The following POU2F2 variants were observed in gnomAD, a reference collection of about 807,000 sequenced individuals.
POU2F2 encodes the protein POU class 2 homeobox 2.
A neutral mutation model predicts 63.5 loss-of-function variants in POU2F2; 14 were observed. That is an observed-to-expected ratio of 0.22 (90% confidence interval 0.15 to 0.34). The LOEUF (loss-of-function observed/expected upper bound fraction) is 0.34, where lower values mean the gene tolerates loss of function less well. Ranked by LOEUF, POU2F2 falls within the 10% of genes least tolerant of loss-of-function variation. The pLI is 1.00. For missense variants in POU2F2, 607 were observed against 815.2 expected, an observed-to-expected ratio of 0.74 and a Z score of 3.11; for synonymous variants, 306 against 348.6, an observed-to-expected ratio of 0.88 and a Z score of 1.36.
chr19:42,091,106 T>G lies in POU2F2; in HGVS notation c.*151A>C. The G allele has an allele frequency of 1.7e-6, 1 of 579,184 alleles. No individual in the cohort carries two copies. The highest frequency in any genetic ancestry group is 2.6e-6 in the Non-Finnish European group (1 of 378,934). The allele number at this position is 579,184 out of a possible 1,614,324, so 35.9% of individuals were successfully genotyped here. ...GTTAGTTTCTTTCCTTTTTTTTTTT[T>G]TTTTTGGTTGGTTGTTTTTTTGGTC... On this transcript the variant is annotated 3_prime_UTR_variant, in exon 15 of 15. Coordinates refer to ENST00000692977, the MANE Select transcript of POU2F2 (RefSeq NM_001394376.1).
At chr19:42,177,391 G>C (rs2034906713), upstream of POU2F2, 1 of 152,388 alleles carries the variant, frequency 6.6e-6, no homozygotes, top group African/African-American at 2.4e-5. Context: ...GGCAACCCCG[G>C]GCCCAAGGAT....
chr19:42,125,516 C>T (rs1379082874), intron 1 of POU2F2, among the ~76,000 whole-genome samples: 1 of 152,124 alleles, frequency 6.6e-6, no homozygotes, highest in African/African-American at 2.4e-5. Context: ...GGGAGCTGGG[C>T]AGCAAGTGTG....
At chr19:42,154,878 G>A (rs2034428275) in intron 2 of POU2F2, among the ~76,000 whole-genome samples, 1 of 152,176 alleles carries the variant, frequency 6.6e-6, no homozygotes, top group African/African-American at 2.4e-5. Context: ...GAGGGGACAG[G>A]GTGAATGGAC....
intron 1 of POU2F2, among the ~76,000 whole-genome samples, chr19:42,171,431 CGTGTGTGT>C (rs71336804): frequency 0.083 from 11,450 of 138,590 alleles, 588 homozygotes; most frequent in Middle Eastern, 0.19. Context: ...GGCTGCGCTT[CGTGTGTGT>C]GTGTGTGTGT....
intron 5 of POU2F2, among the ~76,000 whole-genome samples, chr19:42,115,614 A>G (rs1379971657): frequency 1.3e-5 from 2 of 152,192 alleles, no homozygotes; most frequent in African/African-American, 2.4e-5. Flanking sequence ...AATGGGTGAC[A>G]TGGGAAGGGG....
In POU2F2 at chr19:42,089,303, CAAAAG is replaced by C. The variant is rs1285876860; in HGVS notation, c.*1949_*1953del. The C allele has an allele frequency of 6.6e-6, 1 of 152,376 alleles. No individual in the cohort carries two copies. 9.4% of individuals were successfully genotyped at this position (152,376 alleles called of 1,614,324 possible). ...GAAGGAGGGGAGGAGAGAGGTCAGA[CAAAAG>C]AGAACCGAAAAAGAAATCAAAGGAG... is the stretch of plus-strand genomic sequence containing the variant. On this transcript the variant is annotated 3_prime_UTR_variant, in exon 15 of 15. Transcript: ENST00000692977.
rs748040041 is a variant in POU2F2 at position 42,096,061 on chromosome 19, G to A, written c.729+21C>T. The A allele has an allele frequency of 1.2e-6, 2 of 1,612,522 alleles. No homozygotes were observed. The highest frequency in any genetic ancestry group is 2.2e-5 in the East Asian group (1 of 44,818). ...GCCACGCCCCCACGCCCACCGCCCA[G>A]CCTGCAAGGTGCCTCCAGACCTGCG... On this transcript the variant is annotated intron_variant, in intron 8 of 14. Coordinates refer to ENST00000692977, the MANE Select transcript of POU2F2 (RefSeq NM_001394376.1). This position sits in a 1 kb window ranked among gnomAD's most constrained non-coding sequence, Gnocchi z 4.1.
At position 42,095,262 on chromosome 19, in the gene POU2F2, AC is replaced by A. The variant is rs1360594148; in HGVS notation, c.1197+23del. On this transcript the variant is annotated intron_variant, in intron 11 of 14. Transcript: ENST00000692977. The surrounding 1 kb of genome is among the most constrained non-coding windows in gnomAD (Gnocchi z 7.1). ...GCCTGCGGAGCTCTGTGGTCTCCCC[AC>A]CCCCCAGGCGGGCTCTTGGTACCAT... 3.1e-6 allele frequency: 5 copies of A among 1,601,630 alleles called. No homozygotes were observed. Among genetic ancestry groups the A allele is most frequent in the Non-Finnish European group, 2.6e-6 (3 of 1,175,858 alleles).
chr19:42,125,697 C>G (rs368381210), intron 1 of POU2F2, among the ~76,000 whole-genome samples: 4 of 152,226 alleles, frequency 2.6e-5, no homozygotes, highest in African/African-American at 9.6e-5. Flanking sequence ...GTCCCTCCAG[C>G]GGAGCTCCAC....
At chr19:42,195,489 C>T (rs2146832801) in intron 1 of POU2F2, among the ~76,000 whole-genome samples, 1 of 151,928 alleles carries the variant, frequency 6.6e-6, no homozygotes, top group Middle Eastern at 3.4e-3. Context: ...CCCGCCACCA[C>T]ACCAGGCTAA....
chr19:42,184,604 C>A (rs1026039313), intron 1 of POU2F2, among the ~76,000 whole-genome samples: 1 of 152,170 alleles, frequency 6.6e-6, no homozygotes, highest in Non-Finnish European at 1.5e-5. Flanking sequence ...CCAAGGCACT[C>A]CCACTACTGC....
In POU2F2 at chr19:42,122,531, T is replaced by A. The variant is rs2032761290; in HGVS notation, c.74A>T (p.Asp25Val). The change falls in exon 2 of 15, where the codon GAC becomes GTC. Residue 25 changes from aspartate (D) to valine (V), a missense_variant. Physicochemically the swap from Asp to Val is radical, Grantham distance 152 (BLOSUM62 -3). Coordinates refer to ENST00000692977, the MANE Select transcript of POU2F2 (RefSeq NM_001394376.1). ...CCCACCTGTGTGCTCTGATGGGGAG[T>A]CCAGACCTTGCTTCTCGGCCTCCAG... Reference protein sequence around the residue: ...KPLEAEKQGLDSPSEHTDTER... With the variant: ...KPLEAEKQGLVSPSEHTDTER... The A allele has an allele frequency of 6.2e-7, 1 of 1,604,988 alleles. No homozygotes were observed. The highest frequency in any genetic ancestry group is 1.7e-5 in the Admixed American group (1 of 58,066).
intron 1 of POU2F2, among the ~76,000 whole-genome samples, chr19:42,170,578 CAT>C (rs2034743114): frequency 6.6e-6 from 1 of 152,164 alleles, no homozygotes; most frequent in African/African-American, 2.4e-5. Context: ...GGCATGTACA[CAT>C]AGACGCACAA....
At chr19:42,197,653 A>G (rs980320021), upstream of POU2F2, among the ~76,000 whole-genome samples, 1 of 152,166 alleles carries the variant, frequency 6.6e-6, no homozygotes, top group Admixed American at 6.5e-5. Context: ...GAAGGGCAGG[A>G]GGCCACAACC....
chr19:42,183,839 G>A (rs964070426), intron 1 of POU2F2, among the ~76,000 whole-genome samples: 16 of 152,158 alleles, frequency 1.1e-4, no homozygotes, highest in Admixed American at 5.9e-4. Flanking sequence ...ACTATGTTTT[G>A]AACACAGAAT....
rs1366117899 is a variant in POU2F2, at chr19:42,087,119, G to A, written c.*4138C>T. 1 of 148,094 alleles carries A rather than the reference G, an allele frequency of 6.8e-6. No homozygotes were observed. The highest frequency in any genetic ancestry group is 6.7e-5 in the Admixed American group (1 of 14,948). 9.2% of individuals were successfully genotyped at this position (148,094 alleles called of 1,614,324 possible). A position where few individuals can be genotyped will look rare whatever the true frequency, so the allele number is the denominator to read the frequency against. On this transcript the variant is annotated 3_prime_UTR_variant, in exon 15 of 15. Coordinates refer to ENST00000692977, the MANE Select transcript of POU2F2 (RefSeq NM_001394376.1). ...CACTTTTTTTCCAACATATAAAAAG[G>A]TAGCGGAGTTGTCTGTGGGTTTTTT...
In POU2F2 at chr19:42,089,708, TTTTATATATATATATATATATATG is replaced by T. The variant is rs977841508; in HGVS notation, c.*1525_*1548del. ...TTGAAGAGTCCTCATCTTCTTTCCCTTTTATATATATATATATATATATGTTTATATATATATATAAATTTTTTT... is the reference window on the plus strand; with the variant it reads ...TTGAAGAGTCCTCATCTTCTTTCCCTTTTATATATATATATAAATTTTTTT... On this transcript the variant is annotated 3_prime_UTR_variant, in exon 15 of 15. Coordinates refer to ENST00000692977, the MANE Select transcript of POU2F2 (RefSeq NM_001394376.1). 20 of 144,894 alleles carry T rather than the reference TTTTATATATATATATATATATATG, an allele frequency of 1.4e-4. No homozygotes were observed. In the South Asian group the frequency reaches 2.7e-3, roughly 19 times the overall value. The allele number at this position is 144,894 out of a possible 1,614,324, so 9.0% of individuals were successfully genotyped here.
At chr19:42,174,222 T>TAAC (rs1328415167) in intron 1 of POU2F2, among the ~76,000 whole-genome samples, 3 of 151,978 alleles carry the variant, frequency 2.0e-5, no homozygotes, top group African/African-American at 7.3e-5. Context: ...CCCCGAGCAA[T>TAAC]AACAATAATA....
At position 42,122,216 on chromosome 19, in the gene POU2F2, A is replaced by G. The variant is rs761103498; in HGVS notation, c.130-34T>C. 3 of 1,602,536 alleles carry G rather than the reference A, an allele frequency of 1.9e-6. No homozygotes were observed. The Admixed American group carries it at 5.0e-5, about 27-fold the overall frequency. ...AGAAAGTAGGAGCAAGGGGATGGGAATAGTGCAGTGAAGCAGCTTCTGACC... is the reference window on the plus strand; with the variant it reads ...AGAAAGTAGGAGCAAGGGGATGGGAGTAGTGCAGTGAAGCAGCTTCTGACC... On this transcript the variant is annotated intron_variant, in intron 3 of 14. Transcript: ENST00000692977.
Sources: allele counts gnomAD v4.1 joint callset (sites outside exome capture counted in the v4.1 genomes callset), GRCh38; gene constraint gnomAD v4.1.1; non-coding constraint Gnocchi (gnomAD v3.1); transcripts MANE v1.5; gene names NCBI Gene and HGNC (gene_info 2026-07-23, HGNC 2026-07-21).